ZNF571: variants seen among roughly 807,000 people sequenced by gnomAD.
ZNF571 encodes zinc finger protein 571.
In ZNF571, 4 loss-of-function variants were observed where a neutral mutation model predicts 7.7. The observed-to-expected ratio is 0.52, with a 90% CI of 0.25 to 1.18. The LOEUF is 1.18. Ranked by LOEUF, ZNF571 falls within the 50% of genes most tolerant of loss-of-function variation. The pLI is 0.14. For missense variants in ZNF571, 704 were observed against 726.9 expected (o/e 0.97, Z 0.36); for synonymous variants, 251 against 232.4 (o/e 1.08, Z -0.73).
chr19:37,577,683 A>T (rs1308726240), intron 3 of ZNF571, among the ~76,000 whole-genome samples: 1 of 152,222 alleles, frequency 6.6e-6, no homozygotes, highest in Admixed American at 6.5e-5. Context: ...ATCTGGTGAT[A>T]GCCGGCTATT....
chr19:37,578,646 C>T (rs927854407), intron 3 of ZNF571, among the ~76,000 whole-genome samples: 7 of 152,158 alleles, frequency 4.6e-5, no homozygotes, highest in Non-Finnish European at 1.0e-4. Context: ...CTTCACCCTG[C>T]CCCCGCCTGA....
At position 37,566,038 on chromosome 19, in the gene ZNF571, C is replaced by G; in HGVS notation, c.390G>C (p.Arg130=). 1 of 1,614,042 alleles carries G rather than the reference C, an allele frequency of 6.2e-7. No homozygotes were observed. Among genetic ancestry groups the G allele is most frequent in the Non-Finnish European group, 8.5e-7 (1 of 1,179,932 alleles). Residue 130 remains arginine, a synonymous_variant, in exon 4 of 4, where the codon CGG becomes CGC. Transcript: ENST00000451802. ...ESHSTSSTFH[R]IIPTKEKLYK... ...ACAATTTTTCCTTGGTAGGAATTAT[C>G]CGATGAAAAGTAGAAGAGGTTGAAT...
chr19:37,592,116 G>C (rs1292068245), intron 1 of ZNF571, among the ~76,000 whole-genome samples: 2 of 151,990 alleles, frequency 1.3e-5, no homozygotes, highest in Admixed American at 1.3e-4. Context: ...AAATTAGCCA[G>C]GTGTGGTGGC....
chr19:37,588,743 G>A (rs925956968), intron 1 of ZNF571, among the ~76,000 whole-genome samples: 11 of 152,140 alleles, frequency 7.2e-5, no homozygotes, highest in Non-Finnish European at 1.6e-4. Flanking sequence ...GTTGGATACT[G>A]CATATGAATA....
chr19:37,570,623 A>G (rs906429173), intron 3 of ZNF571, among the ~76,000 whole-genome samples: 94 of 152,320 alleles, frequency 6.2e-4, no homozygotes, highest in African/African-American at 2.3e-3. Flanking sequence ...AGAAAACCAA[A>G]CAGAATGATT....
intron 3 of ZNF571, among the ~76,000 whole-genome samples, chr19:37,571,064 G>C (rs1185479149): frequency 6.6e-6 from 1 of 152,132 alleles, no homozygotes; most frequent in African/African-American, 2.4e-5. Context: ...AACAGACTTA[G>C]AATCACTCAT....
rs141866022 is a variant in ZNF571 at position 37,564,726 on chromosome 19, T to C, written c.1702A>G (p.Ser568Gly). The change falls in exon 4 of 4, where the codon AGT (serine) becomes GGT (glycine). Residue 568 changes from serine to glycine, a missense_variant. Coordinates refer to ENST00000451802, the MANE Select transcript of ZNF571 (RefSeq NM_016536.5). ...YECKECGRAFSRGSELTLHQR... is the reference protein window; with the variant it reads ...YECKECGRAFGRGSELTLHQR... ...TGCAGAGTAAGTTCTGAGCCACGAC[T>C]AAAGGCCCTCCCACATTCCTTACAT... The C allele has an allele frequency of 1.0e-4, 161 of 1,613,638 alleles. 2 individuals carry two copies. The African/African-American group carries it at 1.6e-3, about 16-fold the overall frequency.
rs1600450901 is a variant in ZNF571 at position 37,564,311 on chromosome 19, C to T, written c.*287G>A. 1.6e-5 allele frequency: 4 copies of T among 256,398 alleles called. No homozygotes were observed. The highest frequency in any genetic ancestry group is 1.6e-4 in the South Asian group (1 of 6,072). The allele number at this position is 256,398 out of a possible 1,614,324, so 15.9% of individuals were successfully genotyped here. ...TAATTTAGTCATTGTAATACAATTA[C>T]AGTATTTTACAAATAGAAAAGAACA... is the stretch of plus-strand genomic sequence containing the variant. On this transcript the variant is annotated 3_prime_UTR_variant, in exon 4 of 4. Transcript: ENST00000451802.
chr19:37,568,142 G>C (rs1206001453), intron 3 of ZNF571, among the ~76,000 whole-genome samples: 1 of 152,172 alleles, frequency 6.6e-6, no homozygotes, highest in African/African-American at 2.4e-5. Flanking sequence ...AGCAGGCACA[G>C]GGTCTCTGAC....
At chr19:37,583,135 A>G (rs557924286) in intron 3 of ZNF571, among the ~76,000 whole-genome samples, 19 of 152,272 alleles carry the variant, frequency 1.2e-4, no homozygotes, top group African/African-American at 3.4e-4. Flanking sequence ...CCTCTGCCTG[A>G]ACACACCTTT....
intron 1 of ZNF571, among the ~76,000 whole-genome samples, chr19:37,587,845 G>A (rs1453592026): frequency 6.6e-6 from 1 of 151,918 alleles, no homozygotes; most frequent in African/African-American, 2.4e-5. Flanking sequence ...TTGGCTGCAC[G>A]CAGTGGCTCA....
intron 1 of ZNF571, among the ~76,000 whole-genome samples, chr19:37,591,244 G>T (rs1323172613): frequency 3.9e-5 from 6 of 152,184 alleles, no homozygotes; most frequent in Admixed American, 2.6e-4. Context: ...TTTCAGGGCT[G>T]GCACAGGAAA....
chr19:37,593,715 A>C (rs903914407), intron 1 of ZNF571, among the ~76,000 whole-genome samples: 1 of 152,092 alleles, frequency 6.6e-6, no homozygotes, highest in Non-Finnish European at 1.5e-5. Flanking sequence ...AAAGCAAACA[A>C]ACAAACAAAA....
At chr19:37,571,053 A>G (rs1420793588) in intron 3 of ZNF571, among the ~76,000 whole-genome samples, 1 of 152,234 alleles carries the variant, frequency 6.6e-6, no homozygotes, top group East Asian at 1.9e-4. Context: ...TGTTCATACT[A>G]AACAGACTTA....
intron 1 of ZNF571, 105 bp downstream of exon 1, chr19:37,594,636 G>C (rs866425706): frequency 6.6e-6 from 1 of 152,210 alleles, no homozygotes; most frequent in Non-Finnish European, 1.5e-5. Context: ...TGTCAGCACC[G>C]AGCCCCAGCC....
intron 1 of ZNF571, among the ~76,000 whole-genome samples, chr19:37,591,983 C>T (rs377326260): frequency 2.7e-4 from 41 of 152,044 alleles, no homozygotes; most frequent in African/African-American, 9.2e-4. Context: ...ATGGGCCAGG[C>T]GCGGTGCCTC....
intron 1 of ZNF571, among the ~76,000 whole-genome samples, chr19:37,590,616 T>C (rs2043841822): frequency 2.0e-5 from 3 of 152,190 alleles, no homozygotes; most frequent in East Asian, 3.8e-4. Context: ...TGAAAATTAC[T>C]ATCAGGTAGT....
At position 37,564,276 on chromosome 19, in the gene ZNF571, T is replaced by C. The variant is rs989675080; in HGVS notation, c.*322A>G. ...GATGCTATCGAAAGGGAATTATATGTATTTAATTATAATTTAGTCATTGTA... is the reference window on the plus strand; with the variant it reads ...GATGCTATCGAAAGGGAATTATATGCATTTAATTATAATTTAGTCATTGTA... On this transcript the variant is annotated 3_prime_UTR_variant, in exon 4 of 4. Transcript: ENST00000451802. 1.6e-5 allele frequency: 3 copies of C among 192,726 alleles called. No homozygotes were observed. Among genetic ancestry groups the C allele is most frequent in the Middle Eastern group, 4.2e-3 (2 of 480 alleles). 11.9% of individuals were successfully genotyped at this position (192,726 alleles called of 1,614,324 possible). A position where few individuals can be genotyped will look rare whatever the true frequency, so the allele number is the denominator to read the frequency against.
intron 3 of ZNF571, among the ~76,000 whole-genome samples, chr19:37,579,233 G>C (rs940961112): frequency 2.0e-5 from 3 of 152,322 alleles, no homozygotes; most frequent in East Asian, 1.9e-4. Flanking sequence ...GGGCTAGCCC[G>C]ACTGCAGTCC....
Sources: allele counts gnomAD v4.1 joint callset (sites outside exome capture counted in the v4.1 genomes callset), GRCh38; gene constraint gnomAD v4.1.1; transcripts MANE v1.5; gene names NCBI Gene and HGNC (gene_info 2026-07-23, HGNC 2026-07-21).